PTPRT: variants seen among roughly 807,000 people sequenced by gnomAD.
The protein encoded by PTPRT is protein tyrosine phosphatase receptor type T.
In PTPRT, 56 loss-of-function variants were observed where a neutral mutation model predicts 176.8. The ratio of observed to expected loss-of-function variants is 0.32; its 90% CI spans 0.26 to 0.40. PTPRT has a LOEUF of 0.40. Ranked by LOEUF, PTPRT falls within the 10% of genes least tolerant of loss-of-function variation. The pLI, the probability that PTPRT is intolerant of heterozygous loss-of-function variation, is 1.00. For synonymous variants in PTPRT, 783 were observed against 739.0 expected (o/e 1.06, Z -0.96); for missense variants, 1,540 against 1,908.2 (o/e 0.81, Z 3.60).
At chr20:42,213,549 C>T (rs983142384) in intron 15 of PTPRT, among the ~76,000 whole-genome samples, 14 of 152,296 alleles carry the variant, frequency 9.2e-5, no homozygotes, top group African/African-American at 2.6e-4. Context: ...TCAATGTTAC[C>T]TTATTTGGAA....
intron 2 of PTPRT, among the ~76,000 whole-genome samples, chr20:42,859,153 A>G (rs1433603609): frequency 6.6e-6 from 1 of 152,080 alleles, no homozygotes; most frequent in Non-Finnish European, 1.5e-5. Context: ...AAGAAGGTAC[A>G]CCATTTTCTC....
intron 1 of PTPRT, among the ~76,000 whole-genome samples, chr20:42,983,715 T>C (rs187700506): frequency 1.1e-3 from 161 of 152,338 alleles, no homozygotes; most frequent in Non-Finnish European, 2.0e-3. Context: ...TTCACACACC[T>C]TGGAGGTACT....
intron 2 of PTPRT, among the ~76,000 whole-genome samples, chr20:42,837,072 C>G (rs1054852131): frequency 1.3e-5 from 2 of 152,218 alleles, no homozygotes; most frequent in Non-Finnish European, 2.9e-5. Context: ...GTAACCAGCC[C>G]TGTCTCCTTC....
At chr20:43,001,821 C>T (rs1307059118) in intron 1 of PTPRT, among the ~76,000 whole-genome samples, 1 of 151,936 alleles carries the variant, frequency 6.6e-6, no homozygotes, top group Non-Finnish European at 1.5e-5. Flanking sequence ...TGTCAAAATG[C>T]CCATGGTCTG....
chr20:42,109,137 C>CTATT (rs1426584422), intron 23 of PTPRT, among the ~76,000 whole-genome samples: 7 of 150,564 alleles, frequency 4.6e-5, no homozygotes, highest in Non-Finnish European at 1.0e-4. Flanking sequence ...TGTGTAGCTA[C>CTATT]TATTGCTGGG....
intron 7 of PTPRT, among the ~76,000 whole-genome samples, chr20:42,642,288 C>T (rs1221122025): frequency 6.6e-6 from 1 of 152,126 alleles, no homozygotes; most frequent in African/African-American, 2.4e-5. Flanking sequence ...TTTCACATCA[C>T]ACTATATGAA....
chr20:43,032,428 T>A (rs1167262987), intron 1 of PTPRT, among the ~76,000 whole-genome samples: 1 of 147,050 alleles, frequency 6.8e-6, no homozygotes, highest in Non-Finnish European at 1.5e-5. Context: ...GGTGATTATC[T>A]AAATTTTCTC....
intron 19 of PTPRT, among the ~76,000 whole-genome samples, chr20:42,125,052 AG>A (rs1173070941): frequency 3.9e-5 from 6 of 152,118 alleles, no homozygotes; most frequent in Non-Finnish European, 8.8e-5. Flanking sequence ...CACTCAATCA[AG>A]GGCTTCAGTT....
chr20:42,309,186 T>C (rs1250435640), intron 12 of PTPRT, among the ~76,000 whole-genome samples: 1 of 152,218 alleles, frequency 6.6e-6, no homozygotes, highest in Non-Finnish European at 1.5e-5. Context: ...AAAGGTGGCT[T>C]CTGATGGATA....
intron 1 of PTPRT, among the ~76,000 whole-genome samples, chr20:42,993,022 C>T (rs1366334929): frequency 6.6e-6 from 1 of 152,198 alleles, no homozygotes; most frequent in Non-Finnish European, 1.5e-5. Flanking sequence ...CACACAGCAT[C>T]AGTTCCACTA....
chr20:42,912,498 T>G (rs999584946), intron 1 of PTPRT, among the ~76,000 whole-genome samples: 1 of 152,232 alleles, frequency 6.6e-6, no homozygotes. Flanking sequence ...CTCTAGTTTC[T>G]TTTAACCTCT....
chr20:42,724,308 T>A (rs77326351), intron 6 of PTPRT, among the ~76,000 whole-genome samples: 1,821 of 152,320 alleles, frequency 0.012, 41 homozygotes, highest in African/African-American at 0.042. Context: ...CCTAATTCAG[T>A]CTCTGTCCTC....
At chr20:42,059,939 CA>C in the PTPRT span, among the ~76,000 whole-genome samples, 2 of 152,096 alleles carry the variant, frequency 1.3e-5, no homozygotes, top group Non-Finnish European at 2.9e-5. Context: ...TAAAATGGAG[CA>C]GGGGGGAGTT....
chr20:43,165,873 T>A (rs1199093017), intron 1 of PTPRT, among the ~76,000 whole-genome samples: 4 of 152,186 alleles, frequency 2.6e-5, no homozygotes, highest in African/African-American at 2.4e-5. Flanking sequence ...TCAAGCAGTC[T>A]GGAGCAAACC....
chr20:43,018,315 T>C (rs1985471868), intron 1 of PTPRT, among the ~76,000 whole-genome samples: 1 of 152,086 alleles, frequency 6.6e-6, no homozygotes, highest in African/African-American at 2.4e-5. Flanking sequence ...CTAAATGATT[T>C]GAAAAAAATA....
intron 1 of PTPRT, 30 bp from the exon 2 acceptor site, chr20:42,885,962 A>T (rs1568660441): frequency 6.4e-7 from 1 of 1,556,578 alleles, no homozygotes; most frequent in Non-Finnish European, 8.7e-7. Context: ...GGGTAAATAC[A>T]TTCCCGTGTC....
At chr20:42,436,599 G>A (rs1223960296) in intron 9 of PTPRT, among the ~76,000 whole-genome samples, 2 of 152,186 alleles carry the variant, frequency 1.3e-5, no homozygotes, top group Non-Finnish European at 2.9e-5. Context: ...GTAAATTAGT[G>A]CAACCAGTTT....
intron 24 of PTPRT, among the ~76,000 whole-genome samples, chr20:42,104,988 T>C (rs1025213008): frequency 2.6e-5 from 4 of 152,152 alleles, no homozygotes; most frequent in African/African-American, 9.7e-5. Context: ...CAGCAGGCGC[T>C]CTTGGTGTCC....
chr20:42,945,341 C>G (rs756283978), intron 1 of PTPRT, among the ~76,000 whole-genome samples: 1 of 152,098 alleles, frequency 6.6e-6, no homozygotes, highest in Non-Finnish European at 1.5e-5. Flanking sequence ...TGTGCCACCA[C>G]CAATCACAGC....
Sources: allele counts gnomAD v4.1 joint callset (sites outside exome capture counted in the v4.1 genomes callset), GRCh38; gene constraint gnomAD v4.1.1; transcripts MANE v1.5; gene names NCBI Gene and HGNC (gene_info 2026-07-23, HGNC 2026-07-21).